Variants in CYP7B1 observed in about 807,000 individuals in gnomAD.
The protein encoded by CYP7B1 is cytochrome P450 family 7 subfamily B member 1, also known as cytochrome P450 7B1.
In CYP7B1, 29 loss-of-function variants were observed where a neutral mutation model predicts 42.7. The ratio of observed to expected loss-of-function variants is 0.68; its 90% CI spans 0.51 to 0.93. CYP7B1 has a LOEUF of 0.93. CYP7B1 is among the 40% of genes least tolerant of loss of function. The probability of loss-of-function intolerance (pLI) is 0.00; values close to 1 mark genes in which losing one functional copy is unlikely to be tolerated. For missense variants in CYP7B1, 655 were observed against 600.5 expected (o/e 1.09, Z -0.95); for synonymous variants, 235 against 218.2 (o/e 1.08, Z -0.68).
At chr8:64,635,840 G>A (rs1346619430) in intron 1 of CYP7B1, among the ~76,000 whole-genome samples, 1 of 152,128 alleles carries the variant, frequency 6.6e-6, no homozygotes, top group Admixed American at 6.5e-5. Context: ...ATAAAGCTTT[G>A]TCTGTAGAAT....
chr8:64,635,052 A>T (rs532295663), intron 1 of CYP7B1, among the ~76,000 whole-genome samples: 49 of 152,332 alleles, frequency 3.2e-4, no homozygotes, highest in African/African-American at 1.1e-3. Flanking sequence ...AGCAAGAAAC[A>T]TGTGACACAC....
At chr8:64,588,135 T>A (rs989415196), downstream of CYP7B1, among the ~76,000 whole-genome samples, 11 of 152,234 alleles carry the variant, frequency 7.2e-5, no homozygotes, top group Admixed American at 2.6e-4. Context: ...ATAAGAACTA[T>A]GATCTGTGAA....
In CYP7B1 at chr8:64,670,076, G is replaced by T. The variant is rs563642825; in HGVS notation, c.123-45537C>A. On this transcript the variant is annotated intron_variant, in intron 1 of 5. Transcript: ENST00000310193. ...ATTTGTCCCTGCAAGGACACAATTG[G>T]CTTAATGCCACACCCTAGTGGCAGA... Among the ~76,000 whole-genome samples, 12 of 152,280 alleles carry T rather than the reference G, an allele frequency of 7.9e-5. No individual in the cohort carries two copies. In the East Asian group the frequency reaches 2.3e-3, roughly 29 times the overall value.
intron 1 of CYP7B1, among the ~76,000 whole-genome samples, chr8:64,649,012 T>A (rs567975311): frequency 4.3e-4 from 65 of 152,322 alleles, no homozygotes; most frequent in African/African-American, 1.5e-3. Flanking sequence ...AAATTTATCA[T>A]CTCAACCATT....
chr8:64,691,481 C>CTG (rs1554532275), intron 1 of CYP7B1, among the ~76,000 whole-genome samples: 3 of 18,322 alleles, frequency 1.6e-4, no homozygotes, highest in Non-Finnish European at 4.3e-4. Flanking sequence ...GCGATGGCAA[C>CTG]TGGGGGGGGG....
intron 1 of CYP7B1, among the ~76,000 whole-genome samples, chr8:64,629,255 G>A (rs931107219): frequency 2.7e-5 from 4 of 148,070 alleles, no homozygotes; most frequent in South Asian, 2.1e-4. Flanking sequence ...AAAGTCCAGC[G>A]CTTCTTACAG....
intron 1 of CYP7B1, among the ~76,000 whole-genome samples, chr8:64,764,229 G>GCCCCCCCCCCCCCCCCTCCCCCCCC (rs59605103): frequency 2.4e-5 from 3 of 125,150 alleles, no homozygotes; most frequent in African/African-American, 6.1e-5. Context: ...CTTCCACGCT[G>GCCCCCCCCCCCCCCCCTCCCCCCCC]CCCCCCCCAC....
intron 1 of CYP7B1, among the ~76,000 whole-genome samples, chr8:64,747,265 C>T (rs35928023): frequency 0.23 from 34,452 of 147,078 alleles, 4,516 homozygotes; most frequent in African/African-American, 0.34. Context: ...TAGTATAAGT[C>T]ATATAGTATA....
intron 1 of CYP7B1, among the ~76,000 whole-genome samples, chr8:64,669,305 G>T (rs1360369224): frequency 1.3e-5 from 2 of 151,522 alleles, no homozygotes; most frequent in Non-Finnish European, 2.9e-5. Context: ...AAGTCATACT[G>T]TTGAGTGAAA....
At position 64,787,122 on chromosome 8, in the gene CYP7B1, G is replaced by C. The variant is rs80278260; in HGVS notation, c.122+11344C>G. ...TAGGCCTCTGGGCCTGTGATGGGAGGGGCTGCCATGAAGGTCTCCAACGCC... is the reference window on the plus strand; with the variant it reads ...TAGGCCTCTGGGCCTGTGATGGGAGCGGCTGCCATGAAGGTCTCCAACGCC... On this transcript the variant is annotated intron_variant, in intron 1 of 5. Transcript: ENST00000310193. Among the ~76,000 whole-genome samples the C allele has an allele frequency of 3.0e-3, 456 of 152,350 alleles. 12 individuals are homozygous for C. In the East Asian group the frequency reaches 0.071, roughly 24 times the overall value.
intron 1 of CYP7B1, among the ~76,000 whole-genome samples, chr8:64,627,271 C>CA (rs1183853908): frequency 2.6e-5 from 4 of 151,882 alleles, no homozygotes; most frequent in Admixed American, 2.6e-4. Context: ...ATAAGAAAAC[C>CA]AAAAAAACCA....
chr8:64,744,667 G>A (rs1807617369), intron 1 of CYP7B1, among the ~76,000 whole-genome samples: 1 of 152,044 alleles, frequency 6.6e-6, no homozygotes, highest in African/African-American at 2.4e-5. Context: ...ACCCTTCTTT[G>A]AGATGTACTC....
intron 1 of CYP7B1, among the ~76,000 whole-genome samples, chr8:64,677,051 C>G (rs1220081902): frequency 6.6e-6 from 1 of 151,952 alleles, no homozygotes; most frequent in African/African-American, 2.4e-5. Flanking sequence ...AAAACAAAAA[C>G]TCAGGAATGT....
intron 4 of CYP7B1, among the ~76,000 whole-genome samples, chr8:64,610,139 T>C (rs1805342667): frequency 6.6e-6 from 1 of 152,364 alleles, no homozygotes; most frequent in Admixed American, 6.5e-5. Context: ...ATTTGCATTT[T>C]AATTAAAGTT....
intron 1 of CYP7B1, among the ~76,000 whole-genome samples, chr8:64,630,427 T>G (rs1455960684): frequency 1.3e-5 from 2 of 152,238 alleles, no homozygotes; most frequent in Non-Finnish European, 2.9e-5. Flanking sequence ...ACCTTGGTGG[T>G]TTATCATTCA....
chr8:64,599,047 A>G (rs1264209018), intron 5 of CYP7B1, among the ~76,000 whole-genome samples: 6 of 152,178 alleles, frequency 3.9e-5, no homozygotes, highest in Admixed American at 6.5e-5. Context: ...GTTTTAGCTG[A>G]AAAAGGAAGG....
intron 1 of CYP7B1, among the ~76,000 whole-genome samples, chr8:64,628,511 G>A (rs1805641326): frequency 6.6e-6 from 1 of 152,018 alleles, no homozygotes; most frequent in African/African-American, 2.4e-5. Context: ...AGCTGGGCAG[G>A]GTAAAGCTTG....
chr8:64,606,276 G>A (rs1350508176), intron 4 of CYP7B1, among the ~76,000 whole-genome samples: 1 of 152,188 alleles, frequency 6.6e-6, no homozygotes, highest in Non-Finnish European at 1.5e-5. Flanking sequence ...ATAGCCACGA[G>A]GCACCTGACA....
At chr8:64,696,548 T>C (rs1806831129) in intron 1 of CYP7B1, among the ~76,000 whole-genome samples, 1 of 152,106 alleles carries the variant, frequency 6.6e-6, no homozygotes, top group Admixed American at 6.6e-5. Flanking sequence ...ACTAAACTAG[T>C]CAGCAGGAAA....
Sources: allele counts gnomAD v4.1 joint callset (sites outside exome capture counted in the v4.1 genomes callset), GRCh38; gene constraint gnomAD v4.1.1; transcripts MANE v1.5; gene names NCBI Gene and HGNC (gene_info 2026-07-23, HGNC 2026-07-21).